NEK4: variants seen among roughly 807,000 people sequenced by gnomAD.
The protein encoded by NEK4 is serine/threonine-protein kinase Nek4.
A neutral mutation model predicts 98.4 loss-of-function variants in NEK4; 86 were observed. The ratio of observed to expected loss-of-function variants is 0.87; its 90% confidence interval spans 0.73 to 1.05. The LOEUF (loss-of-function observed/expected upper bound fraction) is 1.05. Ranked by LOEUF, NEK4 falls within the 50% of genes least tolerant of loss-of-function variation. The pLI is 0.00. For synonymous variants in NEK4, 328 were observed against 342.2 expected, an observed-to-expected ratio of 0.96 and a Z score of 0.46; for missense variants, 898 against 950.3, an observed-to-expected ratio of 0.94 and a Z score of 0.72.
intron 4 of NEK4, among the ~76,000 whole-genome samples, chr3:52,765,085 T>A (rs1698503146): frequency 6.6e-6 from 1 of 152,144 alleles, no homozygotes; most frequent in Non-Finnish European, 1.5e-5. Context: ...GTGCAGTGGC[T>A]CACACCTGTA....
chr3:52,744,373 A>C, intron 10 of NEK4, 68 bp from the exon 11 acceptor site: 3 of 1,174,960 alleles, frequency 2.6e-6, no homozygotes, highest in Non-Finnish European at 2.6e-6. Context: ...ACAATCCATG[A>C]TGTATCATTC....
In NEK4 at chr3:52,732,980, T is replaced by C. The variant is rs35394360; in HGVS notation, c.2433+4606A>G. ...TATGGAAGTAATCAAATTGAAAAGT[T>C]TACAAACCATAGTTCCTCAGTTCCA... On this transcript the variant is annotated intron_variant, in intron 15 of 15. Coordinates refer to ENST00000233027, the MANE Select transcript of NEK4 (RefSeq NM_003157.6). 1.9e-3 allele frequency: 420 copies of C among 219,800 alleles called. 1 individual carries two copies. The highest frequency in any genetic ancestry group is 4.9e-3 in the Middle Eastern group (3 of 616). 13.6% of individuals were successfully genotyped at this position (219,800 alleles called of 1,614,324 possible). A position where few individuals can be genotyped will look rare whatever the true frequency, so the allele number is the denominator to read the frequency against.
chr3:52,739,045 G>C (rs1450140437), intron 14 of NEK4, among the ~76,000 whole-genome samples: 2 of 152,050 alleles, frequency 1.3e-5, no homozygotes, highest in Admixed American at 6.6e-5. Flanking sequence ...AAATTTATAG[G>C]CATTAGTTCC....
In NEK4 at chr3:52,732,683, T is replaced by C. The variant is rs1056560510; in HGVS notation, c.2433+4903A>G. 16 of 311,758 alleles carry C rather than the reference T, an allele frequency of 5.1e-5. No individual in the cohort carries two copies. In the South Asian group the frequency reaches 6.2e-4, roughly 12 times the overall value. 19.3% of individuals were successfully genotyped at this position (311,758 alleles called of 1,614,324 possible). ...CAGAGGGCTTTATACAGGGAAGTGA[T>C]GTAGGAGAACTACAGGAACCTGGTC... On this transcript the variant is annotated intron_variant, in intron 15 of 15. Coordinates refer to ENST00000233027, the MANE Select transcript of NEK4 (RefSeq NM_003157.6).
intron 10 of NEK4, among the ~76,000 whole-genome samples, chr3:52,744,994 C>A (rs1053296240): frequency 4.0e-5 from 6 of 151,846 alleles, no homozygotes; most frequent in South Asian, 2.1e-4. Context: ...CAGCTCACTG[C>A]AAGCTCTGCC....
rs937168226 is a variant in NEK4 at position 52,711,583 on chromosome 3, T to G, written c.*194A>C. On this transcript the variant is annotated 3_prime_UTR_variant, in exon 16 of 16. Transcript: ENST00000233027. ...AAAGAGAATATGAAAGCCAAAGTTT[T>G]TTTTCTTTTGTGATCCTGCTTCATA... 33 of 426,990 alleles carry G rather than the reference T, an allele frequency of 7.7e-5. No homozygotes were observed. The highest frequency in any genetic ancestry group is 5.9e-4 in the Middle Eastern group (1 of 1,708). 26.5% of individuals were successfully genotyped at this position (426,990 alleles called of 1,614,324 possible).
chr3:52,765,752 C>T (rs1698533957), intron 4 of NEK4, 135 bp downstream of exon 4: 12 of 606,758 alleles, frequency 2.0e-5, no homozygotes, highest in Non-Finnish European at 3.6e-5. Flanking sequence ...CAGAAGGGAC[C>T]CACCATTGTT....
At chr3:52,758,859 T>C (rs1022543882) in intron 6 of NEK4, among the ~76,000 whole-genome samples, 1 of 151,910 alleles carries the variant, frequency 6.6e-6, no homozygotes, top group Non-Finnish European at 1.5e-5. Flanking sequence ...ATCAGCACTT[T>C]GGGAGGAAAA....
chr3:52,768,054 C>T (rs1236019294), intron 2 of NEK4, among the ~76,000 whole-genome samples: 1 of 152,170 alleles, frequency 6.6e-6, no homozygotes, highest in Non-Finnish European at 1.5e-5. Flanking sequence ...TCACTCTATG[C>T]TCTTGGTTGC....
In NEK4 at chr3:52,768,467, A is replaced by G. The variant is rs749806928; in HGVS notation, c.231T>C (p.Gly77=). 2 of 1,614,226 alleles carry G rather than the reference A, an allele frequency of 1.2e-6. No homozygotes were observed. Among genetic ancestry groups the G allele is most frequent in the Admixed American group, 1.7e-5 (1 of 60,034 alleles). Residue 77 remains glycine, a synonymous_variant, in exon 2 of 16, where the codon GGT becomes GGC. Transcript: ENST00000233027. Reference sequence around the variant, plus strand: ...AGAAGCCCATGACAATGTAGAGCAGACCATCTCCTCCTTCCCATGACTCCT... The same window carrying G: ...AGAAGCCCATGACAATGTAGAGCAGGCCATCTCCTCCTTCCCATGACTCCT... ...TYKESWEGGD[G]LLYIVMGFCE...
Position 52,710,807 on chromosome 3 carries a change from A to G in NEK4, c.*970T>C, listed in dbSNP as rs937690451. On this transcript the variant is annotated 3_prime_UTR_variant, in exon 16 of 16. Coordinates refer to ENST00000233027, the MANE Select transcript of NEK4 (RefSeq NM_003157.6). ...CATTTCTGGAGCAATATTTATTTTTAGAGTCCCTCGAATACAGAAGTGAAA... is the reference window on the plus strand; with the variant it reads ...CATTTCTGGAGCAATATTTATTTTTGGAGTCCCTCGAATACAGAAGTGAAA... 6.6e-6 allele frequency: 1 copy of G among 152,204 alleles called. No individual in the cohort carries two copies. Among genetic ancestry groups the G allele is most frequent in the African/African-American group, 2.4e-5 (1 of 41,460 alleles). 9.4% of individuals were successfully genotyped at this position (152,204 alleles called of 1,614,324 possible). A position where few individuals can be genotyped will look rare whatever the true frequency, so the allele number is the denominator to read the frequency against.
At chr3:52,761,674 G>A (rs1045379710) in intron 5 of NEK4, among the ~76,000 whole-genome samples, 3 of 152,192 alleles carry the variant, frequency 2.0e-5, no homozygotes, top group African/African-American at 7.2e-5. Flanking sequence ...GAAACTAGAT[G>A]AGGGGTATAC....
Position 52,763,516 on chromosome 3 carries a change from G to T in NEK4, c.775C>A (p.Pro259Thr). Residue 259 changes from proline (P) to threonine (T), a missense_variant, in exon 5 of 16, where the codon CCT becomes ACT. Transcript: ENST00000233027. ...RPSVRSILRQ[P>T]YIKRQISFFL... is the part of the protein sequence containing the mutation. ...AAGGAGATTTGCCGCTTTATATAAG[G>T]CTGCCTCAGGATGCTCCTCACAGAC... 1.2e-6 allele frequency: 2 copies of T among 1,614,004 alleles called. No individual in the cohort carries two copies. The highest frequency in any genetic ancestry group is 1.7e-6 in the Non-Finnish European group (2 of 1,179,946).
At position 52,765,944 on chromosome 3, in the gene NEK4, C is replaced by T. The variant is rs923052614; in HGVS notation, c.609G>A (p.Lys203=). The change falls in exon 4 of 16, where the codon AAG becomes AAA. Residue 203 remains lysine, a synonymous_variant. Coordinates refer to ENST00000233027, the MANE Select transcript of NEK4 (RefSeq NM_003157.6). ...GCCVYEMATL[K]HAFNAKDMNS... is the part of the protein sequence containing the mutation. ...TCATATCTTTTGCATTGAAAGCATG[C>T]TTCAAGGTGGCCATTTCATAGACAC... is the stretch of plus-strand genomic sequence containing the variant. The T allele has an allele frequency of 1.2e-6, 2 of 1,613,274 alleles. No individual in the cohort carries two copies. The highest frequency in any genetic ancestry group is 8.5e-7 in the Non-Finnish European group (1 of 1,179,298).
In NEK4 at chr3:52,711,422, T is replaced by C. The variant is rs1413257613; in HGVS notation, c.*355A>G. On this transcript the variant is annotated 3_prime_UTR_variant, in exon 16 of 16. Transcript: ENST00000233027. ...CTGCTTTTATCTCTACATTACAATA[T>C]AAAATTTTCAATCCAGCATTTTATA... 6.1e-6 allele frequency: 1 copy of C among 163,418 alleles called. No individual in the cohort carries two copies. 10.1% of individuals were successfully genotyped at this position (163,418 alleles called of 1,614,324 possible).
intron 4 of NEK4, among the ~76,000 whole-genome samples, chr3:52,764,075 A>G (rs1290279091): frequency 1.3e-5 from 2 of 151,918 alleles, no homozygotes; most frequent in Non-Finnish European, 2.9e-5. Flanking sequence ...GCCTGAGGTC[A>G]GGAGTTTGAG....
chr3:52,766,112 T>C (rs1698547608), intron 3 of NEK4, 66 bp downstream of exon 3: 2 of 1,497,470 alleles, frequency 1.3e-6, no homozygotes, highest in Non-Finnish European at 1.8e-6. Context: ...CTGACTTAAT[T>C]AACTTCTGAA....
rs759405600 is a variant in NEK4, at chr3:52,739,644, A to G, written c.2094-10T>C. On this transcript the variant is annotated splice_polypyrimidine_tract_variant and intron_variant, in intron 13 of 15. Coordinates refer to ENST00000233027, the MANE Select transcript of NEK4 (RefSeq NM_003157.6). Reference sequence around the variant, plus strand: ...ATTTGTCTGACCTTTCCTGGGGGAAAAAAATATCCCTTTGTTATTTAATTG... The same window carrying G: ...ATTTGTCTGACCTTTCCTGGGGGAAGAAAATATCCCTTTGTTATTTAATTG... 6.2e-7 allele frequency: 1 copy of G among 1,601,430 alleles called. No individual in the cohort carries two copies. Among genetic ancestry groups the G allele is most frequent in the East Asian group, 2.2e-5 (1 of 44,752 alleles).
intron 15 of NEK4, chr3:52,737,378 A>T (rs1417247377): frequency 2.1e-6 from 1 of 468,372 alleles, no homozygotes; most frequent in Non-Finnish European, 3.8e-6. Flanking sequence ...ATGGGGAGTG[A>T]CTGCTAACAG....
Sources: gnomAD v4.1 joint callset for allele counts (sites outside exome capture counted in the v4.1 genomes callset) on GRCh38, gnomAD v4.1.1 for gene constraint, MANE v1.5 for transcripts, NCBI Gene and HGNC (gene_info 2026-07-23, HGNC 2026-07-21) for gene names.